The following RANBP2 variants were observed in gnomAD, a reference collection of about 807,000 sequenced individuals.
RANBP2 encodes E3 SUMO-protein ligase RanBP2.
In RANBP2, 57 loss-of-function variants were observed where a neutral mutation model predicts 303.6. The observed-to-expected ratio is 0.19, with a 90% CI of 0.15 to 0.23. The LOEUF is 0.23. RANBP2 is among the 10% of genes least tolerant of loss of function. The probability of loss-of-function intolerance (pLI) is 1.00; values close to 1 mark genes in which losing one functional copy is unlikely to be tolerated. For missense variants in RANBP2, 3,138 were observed against 3,780.8 expected, an observed-to-expected ratio of 0.83 and a Z score of 4.46; for synonymous variants, 1,167 against 1,301.5, an observed-to-expected ratio of 0.90 and a Z score of 2.23.
the RANBP2 span, among the ~76,000 whole-genome samples, chr2:109,728,895 A>C: frequency 6.6e-6 from 1 of 152,234 alleles, no homozygotes; most frequent in African/African-American, 2.4e-5. Context: ...CAGTGGTTTA[A>C]CAGTCAGCTT....
At chr2:109,577,684 GAGA>G in the RANBP2 span, among the ~76,000 whole-genome samples, 1 of 151,778 alleles carries the variant, frequency 6.6e-6, no homozygotes, top group Non-Finnish European at 1.5e-5. Context: ...AGGCCAAGGT[GAGA>G]AGATCGCTTG....
At chr2:109,164,863 G>C in the RANBP2 span, among the ~76,000 whole-genome samples, 3 of 152,226 alleles carry the variant, frequency 2.0e-5, no homozygotes, top group African/African-American at 7.2e-5. Context: ...AATCAAGGCT[G>C]CAAGTTCCTT....
chr2:109,730,751 G>GGA, the RANBP2 span, among the ~76,000 whole-genome samples: 1 of 150,516 alleles, frequency 6.6e-6, no homozygotes, highest in South Asian at 2.1e-4. Context: ...AAAAGTTGAG[G>GGA]GATCTCTCTG....
chr2:108,996,664 T>C, the RANBP2 span, among the ~76,000 whole-genome samples: 1 of 151,946 alleles, frequency 6.6e-6, no homozygotes, highest in African/African-American at 2.4e-5. Flanking sequence ...TCCTGTGCCT[T>C]TGAATCAGTG....
At chr2:109,517,486 G>A in the RANBP2 span, among the ~76,000 whole-genome samples, 482 of 152,116 alleles carry the variant, frequency 3.2e-3, 4 homozygotes, top group Non-Finnish European at 2.1e-3. Flanking sequence ...CCGCAGGTTC[G>A]GACCTGTGAA....
At chr2:109,658,086 G>A in the RANBP2 span, among the ~76,000 whole-genome samples, 3 of 151,896 alleles carry the variant, frequency 2.0e-5, no homozygotes, top group Non-Finnish European at 4.4e-5. Context: ...TTGAAATTAG[G>A]CTGCATCAGA....
At chr2:108,744,677 A>C (rs1696375609) in intron 7 of RANBP2, among the ~76,000 whole-genome samples, 1 of 152,246 alleles carries the variant, frequency 6.6e-6, no homozygotes, top group Non-Finnish European at 1.5e-5. Flanking sequence ...TAAAATTCAA[A>C]ATCAGAAGCT....
the RANBP2 span, among the ~76,000 whole-genome samples, chr2:109,442,504 G>A: frequency 2.7e-4 from 41 of 152,212 alleles, no homozygotes; most frequent in African/African-American, 4.6e-4. Context: ...ATAATTGACT[G>A]TTTAAACAAA....
the RANBP2 span, among the ~76,000 whole-genome samples, chr2:109,250,737 T>C: frequency 6.6e-6 from 1 of 151,818 alleles, no homozygotes; most frequent in Admixed American, 6.6e-5. Flanking sequence ...ATTCAACTTC[T>C]ATGTTTGTTA....
chr2:108,729,335 C>G, intron 2 of RANBP2, 136 bp downstream of exon 2: 1 of 1,085,010 alleles, frequency 9.2e-7, no homozygotes, highest in Non-Finnish European at 1.3e-6. Flanking sequence ...ATCACTCAGA[C>G]TGATGCTAAG....
At chr2:109,109,212 T>C in the RANBP2 span, among the ~76,000 whole-genome samples, 13 of 152,354 alleles carry the variant, frequency 8.5e-5, no homozygotes, top group Admixed American at 2.6e-4. Context: ...ATAAACACAA[T>C]GGAGCGCTCT....
the RANBP2 span, among the ~76,000 whole-genome samples, chr2:109,579,624 C>T: frequency 2.0e-5 from 3 of 151,006 alleles, no homozygotes; most frequent in Non-Finnish European, 2.9e-5. Context: ...CTCAGGTGAT[C>T]CACCCACCTT....
the RANBP2 span, among the ~76,000 whole-genome samples, chr2:109,439,666 T>C: frequency 6.6e-6 from 1 of 152,098 alleles, no homozygotes. Flanking sequence ...AGTGCCAGTG[T>C]TCCTTGCACA....
the RANBP2 span, among the ~76,000 whole-genome samples, chr2:109,590,145 G>A: frequency 1.2e-4 from 18 of 150,304 alleles, no homozygotes; most frequent in African/African-American, 3.2e-4. Flanking sequence ...TAAATATCTC[G>A]AAGGGTAATG....
the RANBP2 span, among the ~76,000 whole-genome samples, chr2:109,158,798 T>C: frequency 3.3e-5 from 5 of 152,234 alleles, no homozygotes; most frequent in East Asian, 9.6e-4. Context: ...TTCCCGAGTG[T>C]GCACTCTGGA....
chr2:109,733,938 G>A, the RANBP2 span, among the ~76,000 whole-genome samples: 17 of 151,780 alleles, frequency 1.1e-4, no homozygotes, highest in South Asian at 4.2e-4. Flanking sequence ...TTGGGAGGCC[G>A]ACGTGGGCCG....
At chr2:108,852,954 G>A in the RANBP2 span, among the ~76,000 whole-genome samples, 1 of 152,070 alleles carries the variant, frequency 6.6e-6, no homozygotes, top group East Asian at 1.9e-4. Context: ...GTGTCACTGA[G>A]AGGATATAGG....
the RANBP2 span, among the ~76,000 whole-genome samples, chr2:109,155,178 A>G: frequency 6.6e-6 from 1 of 152,140 alleles, no homozygotes; most frequent in African/African-American, 2.4e-5. Flanking sequence ...TGCAAACTAC[A>G]ACTTGCTATG....
the RANBP2 span, among the ~76,000 whole-genome samples, chr2:108,875,850 C>A: frequency 6.6e-6 from 1 of 152,098 alleles, no homozygotes; most frequent in African/African-American, 2.4e-5. Context: ...AGAATAAGAC[C>A]TTATCTCAAA....
Sources: gnomAD v4.1 joint callset for allele counts (sites outside exome capture counted in the v4.1 genomes callset) on GRCh38, gnomAD v4.1.1 for gene constraint, MANE v1.5 for transcripts, NCBI Gene and HGNC (gene_info 2026-07-23, HGNC 2026-07-21) for gene names.